The following INSL6 variants were observed in gnomAD, a reference collection of about 807,000 sequenced individuals.
INSL6 encodes insulin-like peptide INSL6.
A neutral mutation model predicts 9.4 loss-of-function variants in INSL6; 16 were observed. That is an observed-to-expected ratio of 1.70 (90% CI 1.15 to 2.59). The LOEUF (loss-of-function observed/expected upper bound fraction) is 2.59. INSL6 is among the 30% of genes most tolerant of loss of function. The pLI is 0.00. For missense variants in INSL6, 391 were observed against 257.3 expected (o/e 1.52, Z -3.56); for synonymous variants, 154 against 96.9 (o/e 1.59, Z -3.46).
rs555096412 is a variant in INSL6 at position 5,143,747 on chromosome 9, C to T, written c.377-10155G>A. Among the ~76,000 whole-genome samples, 11 of 151,214 alleles carry T rather than the reference C, an allele frequency of 7.3e-5. No homozygotes were observed. The South Asian group carries it at 1.9e-3, about 26-fold the overall frequency. ...TGATCTCAGCTCACTACAACCTCCA[C>T]CTGCTGGGTTCAAGCGATTCTCCTG... On this transcript the variant is annotated intron_variant, in intron 2 of 3. Coordinates refer to the INSL6 transcript ENST00000649639.
chr9:5,041,411 C>G, the INSL6 span: 7 of 630,246 alleles, frequency 1.1e-5, no homozygotes, highest in Admixed American at 1.1e-4. Context: ...CCTGGAGGTG[C>G]TGGGCCACAT....
At chr9:5,054,461 A>G in the INSL6 span, 163 of 948,428 alleles carry the variant, frequency 1.7e-4, no homozygotes, top group African/African-American at 2.5e-3. The surrounding 1 kb of genome is among the most constrained non-coding windows in gnomAD (Gnocchi z 4.9). Flanking sequence ...TGTAAGGCCT[A>G]CTTAATCATG....
chr9:4,994,391 G>A, the INSL6 span, among the ~76,000 whole-genome samples: 1 of 152,130 alleles, frequency 6.6e-6, no homozygotes, highest in Non-Finnish European at 1.5e-5. Flanking sequence ...ATTGCCGCTG[G>A]GCCCCACCCC....
chr9:5,018,646 G>C, the INSL6 span, among the ~76,000 whole-genome samples: 1 of 152,170 alleles, frequency 6.6e-6, no homozygotes, highest in African/African-American at 2.4e-5. Context: ...GCCTGACATT[G>C]TTCTTTGACT....
At chr9:5,031,934 C>CCA in the INSL6 span, among the ~76,000 whole-genome samples, 1 of 152,226 alleles carries the variant, frequency 6.6e-6, no homozygotes, top group Non-Finnish European at 1.5e-5. Flanking sequence ...GTGCAGCACA[C>CCA]TGAGCATGAG....
chr9:5,086,094 C>T, the INSL6 span: 1 of 586,026 alleles, frequency 1.7e-6, no homozygotes, highest in Non-Finnish European at 3.2e-6. Flanking sequence ...TCCCTTCTGC[C>T]TATGAGCCTG....
chr9:4,998,709 C>T, the INSL6 span, among the ~76,000 whole-genome samples: 5 of 149,546 alleles, frequency 3.3e-5, no homozygotes, highest in Non-Finnish European at 7.4e-5. Flanking sequence ...AGAAGTAGCT[C>T]AAAATCTCCT....
At chr9:5,073,264 A>G in the INSL6 span, among the ~76,000 whole-genome samples, 1 of 152,206 alleles carries the variant, frequency 6.6e-6, no homozygotes, top group Non-Finnish European at 1.5e-5. Context: ...TGTTAAAACT[A>G]TGCTAGTATC....
At chr9:5,096,385 C>T in the INSL6 span, among the ~76,000 whole-genome samples, 2 of 152,156 alleles carry the variant, frequency 1.3e-5, no homozygotes, top group Non-Finnish European at 2.9e-5. Flanking sequence ...CGCAAATCAA[C>T]CACTTTAATT....
the INSL6 span, among the ~76,000 whole-genome samples, chr9:5,034,253 G>A: frequency 6.6e-6 from 1 of 152,086 alleles, no homozygotes; most frequent in Non-Finnish European, 1.5e-5. Context: ...AGTCCTTAGA[G>A]ACCTACAAAG....
chr9:5,168,022 GCAA>G (rs919726295), intron 1 of INSL6, among the ~76,000 whole-genome samples: 2 of 152,068 alleles, frequency 1.3e-5, no homozygotes, highest in African/African-American at 2.4e-5. Context: ...CAAACAGGGA[GCAA>G]CAACAACAAC....
intron 3 of INSL6, chr9:5,131,860 GTT>G (rs1056030189): frequency 5.3e-5 from 8 of 152,164 alleles, no homozygotes; most frequent in African/African-American, 1.9e-4. Context: ...ACTGACTACA[GTT>G]AAGAGGCATT....
chr9:5,073,305 A>G, the INSL6 span, among the ~76,000 whole-genome samples: 2 of 152,212 alleles, frequency 1.3e-5, no homozygotes, highest in Non-Finnish European at 2.9e-5. Flanking sequence ...TTTTATCTGC[A>G]CATTCTTAAT....
the INSL6 span, chr9:5,054,894 A>G: frequency 6.5e-7 from 1 of 1,540,530 alleles, no homozygotes; most frequent in Non-Finnish European, 8.8e-7. The surrounding 1 kb of genome is among the most constrained non-coding windows in gnomAD (Gnocchi z 4.9). Flanking sequence ...GGTAATCCTT[A>G]ATGATATGTT....
At chr9:4,994,826 A>T in the INSL6 span, among the ~76,000 whole-genome samples, 1 of 152,188 alleles carries the variant, frequency 6.6e-6, no homozygotes, top group Non-Finnish European at 1.5e-5. Flanking sequence ...AAACTCTCTG[A>T]GAGTTGTCTG....
chr9:5,162,972 GA>G (rs975081022), downstream of INSL6, among the ~76,000 whole-genome samples: 2 of 151,646 alleles, frequency 1.3e-5, no homozygotes, highest in Admixed American at 6.6e-5. Flanking sequence ...GTGTGGACAG[GA>G]AAAAAAACAC....
chr9:5,168,948 G>A (rs1363034137), intron 1 of INSL6, among the ~76,000 whole-genome samples: 1 of 149,462 alleles, frequency 6.7e-6, no homozygotes, highest in African/African-American at 2.5e-5. Flanking sequence ...TTTTTGAGAT[G>A]GAGTTTCACT....
chr9:5,067,050 C>T, the INSL6 span, among the ~76,000 whole-genome samples: 1 of 151,508 alleles, frequency 6.6e-6, no homozygotes, highest in South Asian at 2.1e-4. Context: ...TTGGTGTTAC[C>T]AGTGTGTTAA....
At chr9:5,122,994 A>G, downstream of INSL6, 3 of 1,564,988 alleles carry the variant, frequency 1.9e-6, no homozygotes, top group Admixed American at 1.8e-5. Flanking sequence ...TGTTATTCAT[A>G]TATTTACAGG....
Sources: allele counts gnomAD v4.1 joint callset (sites outside exome capture counted in the v4.1 genomes callset), GRCh38; gene constraint gnomAD v4.1.1; non-coding constraint Gnocchi (gnomAD v3.1); transcripts MANE v1.5; gene names NCBI Gene and HGNC (gene_info 2026-07-23, HGNC 2026-07-21).